The following ZNF408 variants were observed in gnomAD, a reference collection of about 807,000 sequenced individuals.
ZNF408 encodes the protein zinc finger protein 408.
In ZNF408, 24 loss-of-function variants were observed where a neutral mutation model predicts 27.6. The observed-to-expected ratio is 0.87, with a 90% CI of 0.63 to 1.22. The LOEUF (loss-of-function observed/expected upper bound fraction) is 1.22, where lower values mean the gene tolerates loss of function less well. ZNF408 is among the 50% of genes most tolerant of loss of function. The pLI is 0.00. For missense variants in ZNF408, 897 were observed against 949.0 expected (o/e 0.95, Z 0.72); for synonymous variants, 410 against 396.1 (o/e 1.04, Z -0.42).
chr11:46,703,793 A>G (rs1292926127), intron 4 of ZNF408, among the ~76,000 whole-genome samples: 8 of 100,116 alleles, frequency 8.0e-5, no homozygotes, highest in African/African-American at 1.6e-4. Flanking sequence ...TTTGAGATGG[A>G]GTCTCACTCT....
At position 46,703,774 on chromosome 11, in the gene ZNF408, T is replaced by G. The variant is rs1302817954; in HGVS notation, c.652+531T>G. 2.1e-5 allele frequency among the ~76,000 whole-genome samples: 3 copies of G among 141,430 alleles called. 1 individual carries two copies. Among genetic ancestry groups the G allele is most frequent in the Non-Finnish European group, 3.1e-5 (2 of 65,000 alleles). 92.8% of individuals were successfully genotyped at this position (141,430 alleles called of 152,430 possible). On this transcript the variant is annotated intron_variant, in intron 4 of 4. Coordinates refer to ENST00000311764, the MANE Select transcript of ZNF408 (RefSeq NM_024741.3). ...GTTGTTGTTGTTGTTGTTGTTGTTTTTTTTTTTTTTTGAGATGGAGTCTCA... is the reference window on the plus strand; with the variant it reads ...GTTGTTGTTGTTGTTGTTGTTGTTTGTTTTTTTTTTTGAGATGGAGTCTCA...
chr11:46,701,478 A>G lies in ZNF408; in HGVS notation c.132A>G (p.Pro44=). The change falls in exon 2 of 5, where the codon CCA becomes CCG. Residue 44 remains proline (P), a synonymous_variant. Transcript: ENST00000311764. ...EGCTQGLKDV[P]PEPTRDILAL... ...GTACGCAGGGCCTCAAAGACGTCCC[A>G]CCCGAGCCGACCCGAGACATCCTCG... 6.2e-7 allele frequency: 1 copy of G among 1,613,720 alleles called. No homozygotes were observed. The highest frequency in any genetic ancestry group is 8.5e-7 in the Non-Finnish European group (1 of 1,179,988).
chr11:46,704,801 C>A lies in ZNF408; in HGVS notation c.1101C>A (p.His367Gln). 1 of 1,598,974 alleles carries A rather than the reference C, an allele frequency of 6.3e-7. No homozygotes were observed. The highest frequency in any genetic ancestry group is 8.5e-7 in the Non-Finnish European group (1 of 1,172,158). Residue 367 changes from histidine to glutamine, a missense_variant, in exon 5 of 5, where the codon CAC (histidine) becomes CAA (glutamine). Coordinates refer to ENST00000311764, the MANE Select transcript of ZNF408 (RefSeq NM_024741.3). The part of the protein sequence containing the change: ...ECGKAFLQLC[H>Q]LKKHAFVHTG... Reference sequence around the variant, plus strand: ...GCAAGGCATTCCTACAGCTGTGCCACCTAAAGAAGCACGCATTTGTGCACA... The same window carrying A: ...GCAAGGCATTCCTACAGCTGTGCCAACTAAAGAAGCACGCATTTGTGCACA...
rs749443053 is a variant in ZNF408 at position 46,701,611 on chromosome 11, G to A, written c.265G>A (p.Gly89Arg). ...GDPLQPGLLW[G>R]PLEEESASKE... ...CCCCCTGCAGCCCGGCCTGCTGTGG[G>A]GGCCGCTGGAAGAGGAGTCTGCCTC... The change falls in exon 2 of 5, where the codon GGG becomes AGG. Residue 89 changes from glycine to arginine, a missense_variant. By Grantham distance (125) the Gly-to-Arg change is moderately radical. Transcript: ENST00000311764. 6.2e-7 allele frequency: 1 copy of A among 1,609,352 alleles called. No homozygotes were observed. The highest frequency in any genetic ancestry group is 1.1e-5 in the South Asian group (1 of 91,030).
Position 46,703,040 on chromosome 11 carries a change from G to A in ZNF408, c.449G>A (p.Ser150Asn), listed in dbSNP as rs375018759. 1.9e-6 allele frequency: 3 copies of A among 1,613,922 alleles called. No individual in the cohort carries two copies. Among genetic ancestry groups the A allele is most frequent in the Non-Finnish European group, 2.5e-6 (3 of 1,179,906 alleles). Residue 150 changes from serine to asparagine, a missense_variant, in exon 4 of 5, where the codon AGC becomes AAC. By Grantham distance (46) the Ser-to-Asn change is conservative. Transcript: ENST00000311764. Reference protein sequence around the residue: ...SEGNVAPVRISERLHLQVYQL... With the variant: ...SEGNVAPVRINERLHLQVYQL... ...GGAAATGTGGCCCCAGTGCGGATCA[G>A]CGAGAGGCTTCATCTGCAAGTGTAC...
chr11:46,701,754 T>G, intron 2 of ZNF408, 78 bp downstream of exon 2: 1 of 1,429,532 alleles, frequency 7.0e-7, no homozygotes, highest in African/African-American at 1.4e-5. Flanking sequence ...AGCTTTTCAA[T>G]TTGAAGAAAG....
At position 46,704,457 on chromosome 11, in the gene ZNF408, G is replaced by T; in HGVS notation, c.757G>T (p.Gly253Cys). The T allele has an allele frequency of 1.9e-6, 3 of 1,614,144 alleles. No individual in the cohort carries two copies. Among genetic ancestry groups the T allele is most frequent in the Non-Finnish European group, 2.5e-6 (3 of 1,180,026 alleles). ...AATTTCCAAGGATAGCCAGCCACTT[G>T]GCCCATTGCTTCAGGATGGCGACGT... ...DRISKDSQPL[G>C]PLLQDGDVDE... The change falls in exon 5 of 5, where the codon GGC (glycine) becomes TGC (cysteine). Residue 253 changes from glycine (G) to cysteine (C), a missense_variant. Transcript: ENST00000311764.
At chr11:46,701,870 G>A in intron 2 of ZNF408, 194 bp downstream of exon 2, 1 of 675,970 alleles carries the variant, frequency 1.5e-6, no homozygotes, top group Non-Finnish European at 2.3e-6. Context: ...GTTGAAAGCT[G>A]GAATCATACA....
chr11:46,705,517 C>A lies in ZNF408; in HGVS notation c.1817C>A (p.Pro606His), dbSNP rs200749198. 10 of 1,604,780 alleles carry A rather than the reference C, an allele frequency of 6.2e-6. No individual in the cohort carries two copies. Among genetic ancestry groups the A allele is most frequent in the Non-Finnish European group, 8.5e-6 (10 of 1,179,982 alleles). ...RHLKSHLEDK[P>H]YRCPTCGMGY... ...CTCAAATCTCACTTGGAGGACAAGC[C>A]CTACCGCTGCCCCACCTGTGGCATG... The change falls in exon 5 of 5, where the codon CCC becomes CAC. Residue 606 changes from proline (P) to histidine (H), a missense_variant. By Grantham distance (77) the Pro-to-His change is moderately conservative (BLOSUM62 -2). Transcript: ENST00000311764. This position sits in a 1 kb window ranked among gnomAD's most constrained non-coding sequence, Gnocchi z 6.5.
intron 3 of ZNF408, 26 bp downstream of exon 3, chr11:46,702,791 C>A: frequency 6.2e-7 from 1 of 1,613,376 alleles, no homozygotes; most frequent in Non-Finnish European, 8.5e-7. Flanking sequence ...GTGTGTCGTT[C>A]CTTTGAGGTT....
rs182666059 is a variant in ZNF408, at chr11:46,704,411, T to G, written c.711T>G (p.Leu237=). The G allele has an allele frequency of 6.2e-7, 1 of 1,613,680 alleles. No homozygotes were observed. Among genetic ancestry groups the G allele is most frequent in the East Asian group, 2.2e-5 (1 of 44,886 alleles). The change falls in exon 5 of 5, where the codon CTT becomes CTG. Residue 237 remains leucine, a synonymous_variant. Coordinates refer to ENST00000311764, the MANE Select transcript of ZNF408 (RefSeq NM_024741.3). ...IQAENMVSPG[L]KFPTQDRISK... Reference sequence around the variant, plus strand: ...CAGAGAATATGGTGAGCCCTGGACTTAAGTTCCCAACCCAGGACCGAATTT... The same window carrying G: ...CAGAGAATATGGTGAGCCCTGGACTGAAGTTCCCAACCCAGGACCGAATTT...
chr11:46,705,375 G>A lies in ZNF408; in HGVS notation c.1675G>A (p.Ala559Thr). ...EAHLCPVCGKALRDPHTLRAH... is the reference protein window; with the variant it reads ...EAHLCPVCGKTLRDPHTLRAH... Reference sequence around the variant, plus strand: ...CCACTTGTGCCCGGTGTGTGGCAAGGCCCTCCGAGACCCACACACGCTCCG... The same window carrying A: ...CCACTTGTGCCCGGTGTGTGGCAAGACCCTCCGAGACCCACACACGCTCCG... Residue 559 changes from alanine to threonine, a missense_variant, in exon 5 of 5, where the codon GCC (alanine) becomes ACC (threonine). Coordinates refer to ENST00000311764, the MANE Select transcript of ZNF408 (RefSeq NM_024741.3). This position sits in a 1 kb window ranked among gnomAD's most constrained non-coding sequence, Gnocchi z 6.5. 6.2e-7 allele frequency: 1 copy of A among 1,607,702 alleles called. No homozygotes were observed. Among genetic ancestry groups the A allele is most frequent in the Non-Finnish European group, 8.5e-7 (1 of 1,179,470 alleles).
In ZNF408 at chr11:46,701,620, G is replaced by A. The variant is rs1746062668; in HGVS notation, c.274G>A (p.Glu92Lys). 5 of 1,607,922 alleles carry A rather than the reference G, an allele frequency of 3.1e-6. No homozygotes were observed. Among genetic ancestry groups the A allele is most frequent in the Non-Finnish European group, 4.3e-6 (5 of 1,175,986 alleles). Reference sequence around the variant, plus strand: ...GCCCGGCCTGCTGTGGGGGCCGCTGGAAGAGGAGTCTGCCTCCAAGGAGAA... The same window carrying A: ...GCCCGGCCTGCTGTGGGGGCCGCTGAAAGAGGAGTCTGCCTCCAAGGAGAA... ...LQPGLLWGPL[E>K]EESASKEKGE... The change falls in exon 2 of 5, where the codon GAA becomes AAA. Residue 92 changes from glutamate (E) to lysine (K), a missense_variant. Transcript: ENST00000311764.
In ZNF408 at chr11:46,702,760, G is replaced by T; in HGVS notation, c.387G>T (p.Trp129Cys). 1.9e-6 allele frequency: 3 copies of T among 1,614,188 alleles called. No homozygotes were observed. The highest frequency in any genetic ancestry group is 2.5e-6 in the Non-Finnish European group (3 of 1,180,020). ...DVCACEQSSG[W>C]TSLVQRGRLE... is the part of the protein sequence containing the mutation. The stretch of plus-strand genomic sequence containing the variant: ...GTGCCTGTGAGCAGAGTTCTGGCTG[G>T]ACTAGGTAAGTCAGAGGAGAGTGTG... The change falls in exon 3 of 5, where the codon TGG (tryptophan) becomes TGT (cysteine). Residue 129 changes from tryptophan (W) to cysteine (C), a missense_variant. Trp to Cys is a radical substitution (Grantham distance 215). Coordinates refer to ENST00000311764, the MANE Select transcript of ZNF408 (RefSeq NM_024741.3).
rs2064745396 is a variant in ZNF408 at position 46,705,488 on chromosome 11, C to T, written c.1788C>T (p.Arg596=). Residue 596 remains arginine, a synonymous_variant, in exon 5 of 5, where the codon CGC becomes CGT. Coordinates refer to ENST00000311764, the MANE Select transcript of ZNF408 (RefSeq NM_024741.3). This position sits in a 1 kb window ranked among gnomAD's most constrained non-coding sequence, Gnocchi z 6.5. The part of the protein sequence containing the change: ...RAYTLATKLR[R]HLKSHLEDKP... ...ACACGCTGGCCACCAAGCTGCGGCG[C>T]CACCTCAAATCTCACTTGGAGGACA... is the stretch of plus-strand genomic sequence containing the variant. 6.2e-7 allele frequency: 1 copy of T among 1,606,076 alleles called. No individual in the cohort carries two copies. The highest frequency in any genetic ancestry group is 8.5e-7 in the Non-Finnish European group (1 of 1,179,974).
In ZNF408 at chr11:46,704,751, C is replaced by T. The variant is rs758273578; in HGVS notation, c.1051C>T (p.Arg351Ter). 7 of 1,595,088 alleles carry T rather than the reference C, an allele frequency of 4.4e-6. No homozygotes were observed. The highest frequency in any genetic ancestry group is 3.5e-5 in the Admixed American group (2 of 56,960). Residue 351 changes from arginine to a stop codon, truncating the protein, a stop_gained, in exon 5 of 5, where the codon CGA becomes TGA. Coordinates refer to ENST00000311764, the MANE Select transcript of ZNF408 (RefSeq NM_024741.3). LOFTEE classifies it low-confidence loss of function (END_TRUNC). ...AGCAGGAAGCTCCCCAAAGCAGGGG[C>T]GACGGTACCGGTGTGGAGAGTGTGG... ...GPAGSSPKQG[R>*]RYRCGECGKA... is the part of the protein sequence containing the mutation.
chr11:46,703,260 T>C lies in ZNF408; in HGVS notation c.652+17T>C. 1 of 1,596,210 alleles carries C rather than the reference T, an allele frequency of 6.3e-7. No homozygotes were observed. Among genetic ancestry groups the C allele is most frequent in the Non-Finnish European group, 8.5e-7 (1 of 1,169,858 alleles). ...CTTGCATAGGTATGTGTCAAATAAA[T>C]GCTGGTTTCCCAGCAATTTCCCCAC... On this transcript the variant is annotated intron_variant, in intron 4 of 4. Coordinates refer to ENST00000311764, the MANE Select transcript of ZNF408 (RefSeq NM_024741.3).
chr11:46,703,758 G>T lies in ZNF408; in HGVS notation c.652+515G>T, dbSNP rs1361709151. The stretch of plus-strand genomic sequence containing the variant: ...TTTGTTTTGTTTTGTTGTTGTTGTT[G>T]TTGTTGTTGTTGTTTTTTTTTTTTT... On this transcript the variant is annotated intron_variant, in intron 4 of 4. Coordinates refer to ENST00000311764, the MANE Select transcript of ZNF408 (RefSeq NM_024741.3). Among the ~76,000 whole-genome samples the T allele has an allele frequency of 2.9e-3, 270 of 94,130 alleles. 8 individuals are homozygous for T. Among genetic ancestry groups the T allele is most frequent in the African/African-American group, 0.011 (240 of 21,328 alleles). The allele number at this position is 94,130 out of a possible 152,430, so 61.8% of individuals were successfully genotyped here. A position where few individuals can be genotyped will look rare whatever the true frequency, so the allele number is the denominator to read the frequency against.
Position 46,703,215 on chromosome 11 carries a change from T to G in ZNF408, c.624T>G (p.Pro208=). 2 of 1,613,540 alleles carry G rather than the reference T, an allele frequency of 1.2e-6. No individual in the cohort carries two copies. Among genetic ancestry groups the G allele is most frequent in the Non-Finnish European group, 1.7e-6 (2 of 1,179,878 alleles). The part of the protein sequence containing the change: ...ESAVQQEVAS[P]GEDAAEPCID... ...CTGTACAGCAGGAAGTGGCCTCCCCTGGGGAGGATGCAGCAGAACCTTGCA... is the reference window on the plus strand; with the variant it reads ...CTGTACAGCAGGAAGTGGCCTCCCCGGGGGAGGATGCAGCAGAACCTTGCA... The change falls in exon 4 of 5, where the codon CCT becomes CCG. Residue 208 remains proline (P), a synonymous_variant. Transcript: ENST00000311764.
Sources: gnomAD v4.1 joint callset for allele counts (sites outside exome capture counted in the v4.1 genomes callset) on GRCh38, gnomAD v4.1.1 for gene constraint, Gnocchi (gnomAD v3.1) non-coding constraint, MANE v1.5 for transcripts, NCBI Gene and HGNC (gene_info 2026-07-23, HGNC 2026-07-21) for gene names.